Variants in DNAH5 observed in about 807,000 individuals in gnomAD.
DNAH5 encodes axonemal beta dynein heavy chain 5.
DNAH5 carries 372 observed loss-of-function variants against 518.2 expected under a neutral mutation model. The ratio of observed to expected loss-of-function variants is 0.72; its 90% CI spans 0.66 to 0.78. The LOEUF is 0.78. DNAH5 is among the 30% of genes least tolerant of loss of function. The pLI, the probability that DNAH5 is intolerant of heterozygous loss-of-function variation, is 0.00. For synonymous variants in DNAH5, 2,039 were observed against 2,025.9 expected (o/e 1.01, Z -0.17); for missense variants, 5,523 against 5,687.0 (o/e 0.97, Z 0.93).
chr5:13,812,774 A>G (rs1345014027), intron 43 of DNAH5, among the ~76,000 whole-genome samples: 1 of 152,236 alleles, frequency 6.6e-6, no homozygotes, highest in Non-Finnish European at 1.5e-5. Flanking sequence ...TCTCATAAAT[A>G]CCACTTAACA....
chr5:13,916,711 C>G lies in DNAH5; in HGVS notation c.1090-256G>C, dbSNP rs574314314. Among the ~76,000 whole-genome samples the G allele has an allele frequency of 7.9e-5, 12 of 151,984 alleles. No homozygotes were observed. In the East Asian group the frequency reaches 2.3e-3, roughly 29 times the overall value. Reference sequence around the variant, plus strand: ...CAAGCAACAGCAAGTTAACTGTTAACTATTATTAAGGATAAACTGTTAATA... The same window carrying G: ...CAAGCAACAGCAAGTTAACTGTTAAGTATTATTAAGGATAAACTGTTAATA... On this transcript the variant is annotated intron_variant, in intron 8 of 78. Coordinates refer to ENST00000265104, the MANE Select transcript of DNAH5 (RefSeq NM_001369.3).
At chr5:13,927,220 C>T (rs2152002799) in intron 3 of DNAH5, among the ~76,000 whole-genome samples, 1 of 152,288 alleles carries the variant, frequency 6.6e-6, no homozygotes, top group East Asian at 1.9e-4. Flanking sequence ...TTGGGCCAGG[C>T]ACGGTGGCTC....
At chr5:13,972,205 C>T (rs1024274140) in intron 1 of DNAH5, among the ~76,000 whole-genome samples, 4 of 152,150 alleles carry the variant, frequency 2.6e-5, no homozygotes, top group Non-Finnish European at 5.9e-5. Flanking sequence ...TTCCAGGCAG[C>T]CGGTGAGCAG....
chr5:13,898,634 A>G (rs1384115275), intron 15 of DNAH5: 7 of 398,516 alleles, frequency 1.8e-5, no homozygotes, highest in South Asian at 2.5e-4. Context: ...TTTGTCATCT[A>G]CGAAATAAAA....
intron 53 of DNAH5, among the ~76,000 whole-genome samples, chr5:13,778,576 AAGAAAGAAAGAAAGAAAGAAAG>A (rs1466943523): frequency 2.0e-4 from 15 of 74,096 alleles, no homozygotes; most frequent in East Asian, 1.2e-3. Flanking sequence ...GAAAGAAAGA[AAGAAAGAAAGAAAGAAAGAAAG>A]AGAGAGAGAA....
intron 65 of DNAH5, among the ~76,000 whole-genome samples, chr5:13,740,290 C>T (rs1409150779): frequency 6.6e-5 from 10 of 151,806 alleles, no homozygotes; most frequent in Non-Finnish European, 1.3e-4. Flanking sequence ...CCCAGCCTTA[C>T]CCCCTGGTCT....
Position 13,823,357 on chromosome 5 carries a change from T to C in DNAH5, c.6593A>G (p.Glu2198Gly). The change falls in exon 40 of 79, where the codon GAA becomes GGA. Residue 2198 changes from glutamate (E) to glycine (G), a missense_variant. Physicochemically the swap from Glu to Gly is moderately conservative, Grantham distance 98. Around this residue, in one of 3 missense-constraint regions of DNAH5, gnomAD observed 5,121 missense variants for 5,223.3 expected, o/e 0.98. Transcript: ENST00000265104. ...TTCAATCAAACTCAAAAACAAGGGTTCATCCTCATCAATCTAAAAAAAGAA... is the reference window on the plus strand; with the variant it reads ...TTCAATCAAACTCAAAAACAAGGGTCCATCCTCATCAATCTAAAAAAAGAA... ...MNLSKLIDED[E>G]PLFLSLIEDL... The C allele has an allele frequency of 6.2e-7, 1 of 1,610,916 alleles. No individual in the cohort carries two copies. The highest frequency in any genetic ancestry group is 8.5e-7 in the Non-Finnish European group (1 of 1,177,174).
intron 75 of DNAH5, among the ~76,000 whole-genome samples, chr5:13,714,032 T>C (rs911305720): frequency 3.9e-5 from 6 of 152,186 alleles, no homozygotes; most frequent in Admixed American, 2.0e-4. Context: ...AAGGTGTGCA[T>C]TAAACTACAT....
intron 52 of DNAH5, among the ~76,000 whole-genome samples, chr5:13,785,036 A>G (rs1481720273): frequency 1.3e-5 from 2 of 152,090 alleles, no homozygotes; most frequent in Non-Finnish European, 1.5e-5. Flanking sequence ...TTTATTGTGC[A>G]CTTGATTTCT....
rs1472363765 is a variant in DNAH5 at position 13,867,913 on chromosome 5, G to C, written c.3914C>G (p.Ala1305Gly). The stretch of plus-strand genomic sequence containing the variant: ...AGCACGTGCCAGCAGCTTCTCCCAA[G>C]CATAGTGCAGTGTATCAACTTTGTC... Reference protein sequence around the residue: ...EIDKVDTLHYAWEKLLARAGE... With the variant: ...EIDKVDTLHYGWEKLLARAGE... Residue 1305 changes from alanine to glycine, a missense_variant, in exon 25 of 79, where the codon GCT becomes GGT. Around this residue, in one of 3 missense-constraint regions of DNAH5, gnomAD observed 5,121 missense variants for 5,223.3 expected, o/e 0.98. Transcript: ENST00000265104. 3 of 1,613,878 alleles carry C rather than the reference G, an allele frequency of 1.9e-6. No homozygotes were observed. Among genetic ancestry groups the C allele is most frequent in the Non-Finnish European group, 2.5e-6 (3 of 1,179,976 alleles).
In DNAH5 at chr5:13,862,408, T is replaced by C. The variant is rs1580640151; in HGVS notation, c.4796+140A>G. 1.9e-5 allele frequency: 15 copies of C among 782,220 alleles called. No homozygotes were observed. In the East Asian group the frequency reaches 3.8e-4, roughly 20 times the overall value. 48.5% of individuals were successfully genotyped at this position (782,220 alleles called of 1,614,324 possible). A position where few individuals can be genotyped will look rare whatever the true frequency, so the allele number is the denominator to read the frequency against. On this transcript the variant is annotated intron_variant, in intron 29 of 78. Transcript: ENST00000265104. Reference sequence around the variant, plus strand: ...ATATGTTTTGGATATAAAAATTAATTAATCAATGTAATTAAAACAAGTATT... The same window carrying C: ...ATATGTTTTGGATATAAAAATTAATCAATCAATGTAATTAAAACAAGTATT...
intron 17 of DNAH5, among the ~76,000 whole-genome samples, chr5:13,890,429 TG>T (rs1773055781): frequency 6.8e-6 from 1 of 147,534 alleles, no homozygotes; most frequent in Admixed American, 6.7e-5. Flanking sequence ...AAAGGTTAAA[TG>T]GAGATCTTCT....
rs913879917 is a variant in DNAH5, at chr5:13,987,860, A to T, written c.12+23788T>A. 1.5e-4 allele frequency among the ~76,000 whole-genome samples: 23 copies of T among 151,268 alleles called. 1 individual carries two copies. Among genetic ancestry groups the T allele is most frequent in the African/African-American group, 5.4e-4 (22 of 41,058 alleles). ...GTCTCAAAAAAAAAAAAAACAATTT[A>T]ATCTTGTTTAATCTTAAATAAGATT... is the stretch of plus-strand genomic sequence containing the variant. On this transcript the variant is annotated intron_variant, in intron 1 of 78. Coordinates refer to the DNAH5 transcript ENST00000681290.
rs1271492655 is a variant in DNAH5 at position 13,859,580 on chromosome 5, T to C, written c.4822A>G (p.Ile1608Val). The C allele has an allele frequency of 1.2e-6, 2 of 1,614,002 alleles. No individual in the cohort carries two copies. Among genetic ancestry groups the C allele is most frequent in the Admixed American group, 1.7e-5 (1 of 59,996 alleles). The change falls in exon 30 of 79, where the codon ATT (isoleucine) becomes GTT (valine). Residue 1608 changes from isoleucine (I) to valine (V), a missense_variant. Physicochemically the swap from Ile to Val is conservative, Grantham distance 29 (BLOSUM62 3). Coordinates refer to ENST00000265104, the MANE Select transcript of DNAH5 (RefSeq NM_001369.3). The stretch of plus-strand genomic sequence containing the variant: ...GAAAGGTACTGCACCCATTTTTGAA[T>C]CTGGGCTTTGAATGGCATATTGTAC... ...NRYNMPFKAQIQKWVQYLSNS... is the reference protein window; with the variant it reads ...NRYNMPFKAQVQKWVQYLSNS...
rs752628455 is a variant in DNAH5, at chr5:13,752,204, C to T, written c.10958G>A (p.Gly3653Glu). 1 of 1,613,988 alleles carries T rather than the reference C, an allele frequency of 6.2e-7. No individual in the cohort carries two copies. Among genetic ancestry groups the T allele is most frequent in the South Asian group, 1.1e-5 (1 of 91,068 alleles). Residue 3653 changes from glycine to glutamate, a missense_variant, in exon 64 of 79, where the codon GGA (glycine) becomes GAA (glutamate). Transcript: ENST00000265104. ...LGRPLLIEDV[G>E]EELDPALDNV... is the part of the protein sequence containing the mutation. ...ATCTAGTGCTGGATCTAGTTCCTCT[C>T]CAACATCTTCAATAAGCAAAGGCCT... is the stretch of plus-strand genomic sequence containing the variant.
At chr5:13,770,122 C>T (rs758269708) in intron 56 of DNAH5, among the ~76,000 whole-genome samples, 2 of 152,092 alleles carry the variant, frequency 1.3e-5, no homozygotes, top group South Asian at 2.1e-4. Flanking sequence ...GGGAACCCTC[C>T]GAGTCATTTC....
intron 60 of DNAH5, among the ~76,000 whole-genome samples, chr5:13,759,433 T>C (rs1213430945): frequency 1.3e-5 from 2 of 152,240 alleles, no homozygotes; most frequent in Non-Finnish European, 2.9e-5. Flanking sequence ...AACATGCTAA[T>C]ATTGAGAGTT....
chr5:13,923,395 A>G lies in DNAH5; in HGVS notation c.323T>C (p.Ile108Thr). 1 of 1,614,176 alleles carries G rather than the reference A, an allele frequency of 6.2e-7. No individual in the cohort carries two copies. The highest frequency in any genetic ancestry group is 8.5e-7 in the Non-Finnish European group (1 of 1,179,998). Reference sequence around the variant, plus strand: ...GGTCACGAACACCTTAGGTTTTTTAATCTTTCCAGAAACAAGATTTACCCC... The same window carrying G: ...GGTCACGAACACCTTAGGTTTTTTAGTCTTTCCAGAAACAAGATTTACCCC... ...LGGVNLVSGK[I>T]KKPKVFVTEG... Residue 108 changes from isoleucine (I) to threonine (T), a missense_variant, in exon 4 of 79, where the codon ATT (isoleucine) becomes ACT (threonine). By Grantham distance (89) the Ile-to-Thr change is moderately conservative (BLOSUM62 -1). Around this residue, in one of 3 missense-constraint regions of DNAH5, gnomAD observed 5,121 missense variants for 5,223.3 expected, o/e 0.98. Coordinates refer to ENST00000265104, the MANE Select transcript of DNAH5 (RefSeq NM_001369.3).
chr5:13,893,364 G>C (rs1197430594), intron 16 of DNAH5, among the ~76,000 whole-genome samples: 2 of 152,122 alleles, frequency 1.3e-5, no homozygotes, highest in Non-Finnish European at 2.9e-5. Context: ...CAGGGTTACA[G>C]TGATAAAGAA....
Sources: gnomAD v4.1 joint callset for allele counts (sites outside exome capture counted in the v4.1 genomes callset) on GRCh38, gnomAD v4.1.1 for gene constraint, gnomAD v4.1.1 regional missense constraint, MANE v1.5 for transcripts, NCBI Gene and HGNC (gene_info 2026-07-23, HGNC 2026-07-21) for gene names.